Variants in FAM83F observed in about 807,000 individuals in gnomAD.
FAM83F encodes scaffolding CK1 anchoring protein F, also known as protein FAM83F.
FAM83F carries 45 observed loss-of-function variants against 42.9 expected under a neutral mutation model. The ratio of observed to expected loss-of-function variants is 1.05; its 90% CI spans 0.83 to 1.35. The LOEUF is 1.35. Ranked by LOEUF, FAM83F falls within the 40% of genes most tolerant of loss-of-function variation. FAM83F has a pLI of 0.00. For missense variants in FAM83F, 617 were observed against 695.9 expected (o/e 0.89, Z 1.28); for synonymous variants, 306 against 298.3 (o/e 1.03, Z -0.27).
chr22:40,017,936 C>T (rs1017720828), intron 1 of FAM83F, among the ~76,000 whole-genome samples: 2 of 152,166 alleles, frequency 1.3e-5, no homozygotes, highest in African/African-American at 4.8e-5. Context: ...TCTCCGACCC[C>T]AGAGCCGAGG....
chr22:40,021,318 A>C lies in FAM83F; in HGVS notation c.808A>C (p.Arg270=). 6.4e-7 allele frequency: 1 copy of C among 1,563,364 alleles called. No individual in the cohort carries two copies. The highest frequency in any genetic ancestry group is 8.7e-7 in the Non-Finnish European group (1 of 1,149,462). Residue 270 remains arginine (R), a synonymous_variant, in exon 4 of 5, where the codon AGA becomes CGA. Transcript: ENST00000333407. This position sits in a 1 kb window ranked among gnomAD's most constrained non-coding sequence, Gnocchi z 8.7. ...CACCTGGAGTTCCTCCCATGTGGAC[A>C]GAAACCTCCTCCTGCTCCTGACAGG... ...RFTWSSSHVD[R]NLLLLLTGQN... is the part of the protein sequence containing the mutation.
chr22:39,996,684 C>T (rs2067374755), intron 1 of FAM83F, among the ~76,000 whole-genome samples: 1 of 152,154 alleles, frequency 6.6e-6, no homozygotes, highest in Admixed American at 6.5e-5. Context: ...GCTAGAAAGA[C>T]CAGTGCTCAG....
chr22:40,006,133 G>A (rs978432602), intron 1 of FAM83F, among the ~76,000 whole-genome samples: 1 of 152,090 alleles, frequency 6.6e-6, no homozygotes, highest in Non-Finnish European at 1.5e-5. Flanking sequence ...CCAGCTACTC[G>A]GGAGGCTGGG....
rs902870222 is a variant in FAM83F, at chr22:40,023,128, C to G, written c.1453+1165C>G. Among the ~76,000 whole-genome samples, 6 of 152,194 alleles carry G rather than the reference C, an allele frequency of 3.9e-5. No individual in the cohort carries two copies. The highest frequency in any genetic ancestry group is 7.2e-5 in the African/African-American group (3 of 41,456). ...TGACTGAGCTGCTGGCTTGCCAGGT[C>G]CTGCACAGGCACTCTCTCTCCCCTT... On this transcript the variant is annotated intron_variant, in intron 4 of 4. Transcript: ENST00000333407. The surrounding 1 kb of genome is among the most constrained non-coding windows in gnomAD (Gnocchi z 4.1).
intron 1 of FAM83F, among the ~76,000 whole-genome samples, chr22:40,010,396 A>G (rs1426384730): frequency 6.6e-6 from 1 of 152,174 alleles, no homozygotes; most frequent in African/African-American, 2.4e-5. Context: ...GAGGGTAATT[A>G]TCACTTCTCC....
intron 1 of FAM83F, among the ~76,000 whole-genome samples, chr22:40,008,806 C>G (rs932435875): frequency 1.3e-5 from 2 of 152,214 alleles, no homozygotes; most frequent in African/African-American, 2.4e-5. Flanking sequence ...CCTTGATCCT[C>G]TCTTTGGGGA....
At chr22:40,003,301 C>T (rs1404071080) in intron 1 of FAM83F, among the ~76,000 whole-genome samples, 12 of 152,192 alleles carry the variant, frequency 7.9e-5, no homozygotes, top group Admixed American at 7.2e-4. Context: ...ACTTACGCCC[C>T]TCCCTGACAG....
rs1181671850 is a variant in FAM83F, at chr22:40,042,131, G to C, written c.*12566G>C. The C allele has an allele frequency of 1.3e-5, 2 of 152,094 alleles. No homozygotes were observed. The highest frequency in any genetic ancestry group is 2.9e-5 in the Non-Finnish European group (2 of 68,002). The allele number at this position is 152,094 out of a possible 1,614,324, so 9.4% of individuals were successfully genotyped here. A position where few individuals can be genotyped will look rare whatever the true frequency, so the allele number is the denominator to read the frequency against. ...TCCGCCTTGGCCTCTCAAATTGCTG[G>C]GATTACAAGCATAAGCCAATGTGCC... On this transcript the variant is annotated 3_prime_UTR_variant, in exon 5 of 5. Transcript: ENST00000333407.
Position 40,000,510 on chromosome 22 carries a change from C to T in FAM83F, c.489+4979C>T, listed in dbSNP as rs548906621. Among the ~76,000 whole-genome samples, 8 of 152,318 alleles carry T rather than the reference C, an allele frequency of 5.3e-5. No individual in the cohort carries two copies. The East Asian group carries it at 9.6e-4, about 18-fold the overall frequency. On this transcript the variant is annotated intron_variant, in intron 1 of 4. Transcript: ENST00000333407. The stretch of plus-strand genomic sequence containing the variant: ...GTCTTTCCCCATTAACTGCAAATGA[C>T]GTTTCCCTCATTCAGCTACACTGGC...
At chr22:40,001,926 G>T (rs1569229307) in intron 1 of FAM83F, among the ~76,000 whole-genome samples, 1 of 152,156 alleles carries the variant, frequency 6.6e-6, no homozygotes, top group Non-Finnish European at 1.5e-5. Flanking sequence ...CCACCTTTGA[G>T]CGAGACAGGA....
rs146945691 is a variant in FAM83F, at chr22:40,019,222, G to A, written c.544G>A (p.Val182Met). 9.9e-5 allele frequency: 160 copies of A among 1,614,102 alleles called. No individual in the cohort carries two copies. Among genetic ancestry groups the A allele is most frequent in the Non-Finnish European group, 5.9e-5 (70 of 1,180,044 alleles). ...TGATGGTGATATCTTTCAAGACATT[G>A]TGGATGCTGCCTGTAAGCGCCGGGT... is the stretch of plus-strand genomic sequence containing the variant. ...FTDGDIFQDI[V>M]DAACKRRVPV... The change falls in exon 2 of 5, where the codon GTG becomes ATG. Residue 182 changes from valine (V) to methionine (M), a missense_variant. Physicochemically the swap from Val to Met is conservative, Grantham distance 21 (BLOSUM62 1). Transcript: ENST00000333407.
chr22:40,016,276 C>G (rs773811041), intron 1 of FAM83F, among the ~76,000 whole-genome samples: 6 of 152,138 alleles, frequency 3.9e-5, no homozygotes, highest in Admixed American at 1.3e-4. Flanking sequence ...TATCATGGCT[C>G]ACTGCAGCCT....
At chr22:40,019,434 G>A in intron 2 of FAM83F, 99 bp downstream of exon 2, 1 of 1,149,592 alleles carries the variant, frequency 8.7e-7, no homozygotes, top group Non-Finnish European at 1.3e-6. Context: ...CTGAATGGGG[G>A]CTCAGGCGAA....
intron 4 of FAM83F, among the ~76,000 whole-genome samples, chr22:40,028,114 G>A (rs560827979): frequency 6.6e-6 from 1 of 152,390 alleles, no homozygotes; most frequent in Non-Finnish European, 1.5e-5. Flanking sequence ...ACTGCGGAAA[G>A]TGACCCCCAG....
At chr22:40,018,758 A>AT (rs762135063) in intron 1 of FAM83F, among the ~76,000 whole-genome samples, 11 of 151,906 alleles carry the variant, frequency 7.2e-5, no homozygotes, top group Non-Finnish European at 1.0e-4. Flanking sequence ...TGCCCAGCCC[A>AT]TTTTTTGTAT....
intron 1 of FAM83F, among the ~76,000 whole-genome samples, chr22:39,997,472 G>A (rs749015537): frequency 2.6e-5 from 4 of 152,248 alleles, no homozygotes; most frequent in Non-Finnish European, 5.9e-5. Flanking sequence ...AGGGCTGACT[G>A]TGTGCCAGGC....
rs1241505794 is a variant in FAM83F at position 40,032,391 on chromosome 22, C to G, written c.*2826C>G. The G allele has an allele frequency of 6.6e-6, 1 of 152,220 alleles. No individual in the cohort carries two copies. The highest frequency in any genetic ancestry group is 1.5e-5 in the Non-Finnish European group (1 of 68,052). 9.4% of individuals were successfully genotyped at this position (152,220 alleles called of 1,614,324 possible). On this transcript the variant is annotated 3_prime_UTR_variant, in exon 5 of 5. Coordinates refer to ENST00000333407, the MANE Select transcript of FAM83F (RefSeq NM_138435.4). ...TGGGATTTGGCAAAACTTCCCATCT[C>G]CTTAGCTACCTGTCCTTAATCTTAT... is the stretch of plus-strand genomic sequence containing the variant.
Position 40,028,787 on chromosome 22 carries a change from C to T in FAM83F, c.1454-729C>T, listed in dbSNP as rs935464680. Among the ~76,000 whole-genome samples the T allele has an allele frequency of 9.2e-5, 14 of 152,350 alleles. No individual in the cohort carries two copies. In the East Asian group the frequency reaches 2.5e-3, roughly 27 times the overall value. ...TTCCTCTCTGTCCTCCCTTCAAAGGCGCGTCCTAAGCAGTGTGATCCACCC... is the reference window on the plus strand; with the variant it reads ...TTCCTCTCTGTCCTCCCTTCAAAGGTGCGTCCTAAGCAGTGTGATCCACCC... On this transcript the variant is annotated intron_variant, in intron 4 of 4. Transcript: ENST00000333407.
Position 40,034,630 on chromosome 22 carries a change from T to C in FAM83F, c.*5065T>C, listed in dbSNP as rs1420139587. The C allele has an allele frequency of 1.3e-5, 2 of 152,244 alleles. No individual in the cohort carries two copies. The highest frequency in any genetic ancestry group is 4.8e-5 in the African/African-American group (2 of 41,464). 9.4% of individuals were successfully genotyped at this position (152,244 alleles called of 1,614,324 possible). A position where few individuals can be genotyped will look rare whatever the true frequency, so the allele number is the denominator to read the frequency against. Reference sequence around the variant, plus strand: ...TGTGAGCACTGGTGCCTCACCTGCCTGGCTCAGCTCTGCAGCCACAATATA... The same window carrying C: ...TGTGAGCACTGGTGCCTCACCTGCCCGGCTCAGCTCTGCAGCCACAATATA... On this transcript the variant is annotated 3_prime_UTR_variant, in exon 5 of 5. Coordinates refer to ENST00000333407, the MANE Select transcript of FAM83F (RefSeq NM_138435.4).
Sources: allele counts gnomAD v4.1 joint callset (sites outside exome capture counted in the v4.1 genomes callset), GRCh38; gene constraint gnomAD v4.1.1; non-coding constraint Gnocchi (gnomAD v3.1); transcripts MANE v1.5; gene names NCBI Gene and HGNC (gene_info 2026-07-23, HGNC 2026-07-21).